The following NFASC variants were observed in gnomAD, a reference collection of about 807,000 sequenced individuals.
NFASC encodes the protein neurofascin, also known as neurofascin homolog.
In NFASC, 43 loss-of-function variants were observed where a neutral mutation model predicts 147.5. The ratio of observed to expected loss-of-function variants is 0.29; its 90% CI spans 0.23 to 0.38. NFASC has a LOEUF of 0.38. Among genes scored for constraint, NFASC ranks in the 10% least tolerant of loss-of-function variants. The probability of loss-of-function intolerance (pLI) is 1.00; values close to 1 mark genes in which losing one functional copy is unlikely to be tolerated. For synonymous variants in NFASC, 622 were observed against 665.5 expected (o/e 0.93, Z 1.01); for missense variants, 1,320 against 1,689.0 (o/e 0.78, Z 3.83).
intron 3 of NFASC, among the ~76,000 whole-genome samples, chr1:204,945,706 G>A (rs1475275183): frequency 2.0e-5 from 3 of 152,174 alleles, no homozygotes; most frequent in Admixed American, 1.3e-4. Flanking sequence ...GGGAGGGAGG[G>A]AGGAGAGGAG....
In NFASC at chr1:204,928,011, G is replaced by A. The variant is rs574880995; in HGVS notation, c.-91+7271G>A. 5.3e-5 allele frequency among the ~76,000 whole-genome samples: 8 copies of A among 152,288 alleles called. No individual in the cohort carries two copies. The East Asian group carries it at 7.7e-4, about 15-fold the overall frequency. On this transcript the variant is annotated intron_variant, in intron 2 of 29. Transcript: ENST00000339876. ...AATTCCTCCCCAGAGGGGGGAGTTC[G>A]CTTCTTGCTTTTCAGCAGGTGGAGG...
At chr1:204,951,207 A>G (rs951100796) in intron 4 of NFASC, among the ~76,000 whole-genome samples, 2 of 145,700 alleles carry the variant, frequency 1.4e-5, no homozygotes, top group Admixed American at 7.0e-5. Context: ...GGAGTACAGC[A>G]GCACAATCTG....
chr1:204,853,547 AG>A (rs1340930929), intron 1 of NFASC, among the ~76,000 whole-genome samples: 3 of 152,216 alleles, frequency 2.0e-5, no homozygotes, highest in African/African-American at 7.2e-5. Context: ...ACTGAAGCAT[AG>A]GGTTTATAAC....
At chr1:204,945,659 G>T (rs1337909443) in intron 3 of NFASC, among the ~76,000 whole-genome samples, 2 of 152,012 alleles carry the variant, frequency 1.3e-5, no homozygotes, top group African/African-American at 4.8e-5. Flanking sequence ...GTGTGCATAT[G>T]TATGCATGCC....
intron 4 of NFASC, among the ~76,000 whole-genome samples, chr1:204,951,187 C>T (rs1336800083): frequency 1.4e-5 from 2 of 142,676 alleles, no homozygotes; most frequent in Non-Finnish European, 3.0e-5. Flanking sequence ...CTCGCTCTAT[C>T]GCCCAGGCTG....
rs1317343322 is a variant in NFASC, at chr1:204,988,983, A to G, written c.2767+177A>G. ...TGTGAGAGGTAGGTGCTGGCATTGT[A>G]TCTGGAGCTCAGCTCTCCTTGGACC... On this transcript the variant is annotated intron_variant, in intron 23 of 29. Transcript: ENST00000339876. 4.7e-6 allele frequency: 3 copies of G among 634,274 alleles called. No individual in the cohort carries two copies. In the African/African-American group the frequency reaches 5.5e-5, roughly 12 times the overall value. The allele number at this position is 634,274 out of a possible 1,614,324, so 39.3% of individuals were successfully genotyped here. A position where few individuals can be genotyped will look rare whatever the true frequency, so the allele number is the denominator to read the frequency against.
At chr1:204,926,575 G>A (rs146286064) in intron 2 of NFASC, among the ~76,000 whole-genome samples, 105 of 149,566 alleles carry the variant, frequency 7.0e-4, no homozygotes, top group Middle Eastern at 3.5e-3. Context: ...CACCATGCCC[G>A]GCTAATTTTT....
At chr1:204,900,491 A>G (rs2084317872) in intron 1 of NFASC, among the ~76,000 whole-genome samples, 1 of 152,256 alleles carries the variant, frequency 6.6e-6, no homozygotes, top group Non-Finnish European at 1.5e-5. Flanking sequence ...ACCACCTTCT[A>G]TAGACTGAAC....
intron 1 of NFASC, among the ~76,000 whole-genome samples, chr1:204,859,984 C>T (rs1201273156): frequency 5.3e-5 from 8 of 152,154 alleles, no homozygotes. Flanking sequence ...CGTGGAGCAT[C>T]TGTGAGCATC....
chr1:204,866,309 G>A (rs192906794), intron 1 of NFASC, among the ~76,000 whole-genome samples: 3 of 152,160 alleles, frequency 2.0e-5, no homozygotes, highest in Non-Finnish European at 4.4e-5. Flanking sequence ...GATGATCAAG[G>A]GATGCTAAAG....
chr1:204,965,246 G>A (rs2094883606), intron 8 of NFASC, among the ~76,000 whole-genome samples: 1 of 152,168 alleles, frequency 6.6e-6, no homozygotes, highest in Non-Finnish European at 1.5e-5. Flanking sequence ...GATAAGATGA[G>A]ACAGTCATCT....
At position 204,975,489 on chromosome 1, in the gene NFASC, C is replaced by G. The variant is rs971414545; in HGVS notation, c.1706+71C>G. Reference sequence around the variant, plus strand: ...TTTTCTTTTCCCTTGCTGTTGGTGACACATGGAAGAACACAGGGACAGGGA... The same window carrying G: ...TTTTCTTTTCCCTTGCTGTTGGTGAGACATGGAAGAACACAGGGACAGGGA... On this transcript the variant is annotated intron_variant, in intron 15 of 29. Coordinates refer to ENST00000339876, the MANE Select transcript of NFASC (RefSeq NM_001005388.3). The surrounding 1 kb of genome is among the most constrained non-coding windows in gnomAD (Gnocchi z 4.0). 5.8e-6 allele frequency: 9 copies of G among 1,550,974 alleles called. No individual in the cohort carries two copies. The highest frequency in any genetic ancestry group is 1.7e-5 in the Admixed American group (1 of 57,502).
intron 25 of NFASC, chr1:204,999,963 T>A (rs67699525): frequency 0.14 from 20,839 of 152,246 alleles, 1,751 homozygotes; most frequent in Non-Finnish European, 0.19. Context: ...AAATCTTTGC[T>A]GGAAAATGGG....
Position 204,968,314 on chromosome 1 carries a change from G to T in NFASC, c.772G>T (p.Val258Leu). Residue 258 changes from valine to leucine, a missense_variant, in exon 9 of 30, where the codon GTG becomes TTG. Transcript: ENST00000339876. The surrounding 1 kb of genome is among the most constrained non-coding windows in gnomAD (Gnocchi z 5.4). ...CCAGGGCACCGCGAGCAGCCAGATG[G>T]TGCTTCGTGGCATGGACCTCCTGCT... Reference protein sequence around the residue: ...YPQGTASSQMVLRGMDLLLEC... With the variant: ...YPQGTASSQMLLRGMDLLLEC... 3.1e-6 allele frequency: 5 copies of T among 1,614,224 alleles called. No homozygotes were observed. The highest frequency in any genetic ancestry group is 4.2e-6 in the Non-Finnish European group (5 of 1,180,036).
At chr1:204,911,053 A>T (rs1465611297) in intron 1 of NFASC, among the ~76,000 whole-genome samples, 4 of 152,310 alleles carry the variant, frequency 2.6e-5, no homozygotes, top group Admixed American at 6.5e-5. Flanking sequence ...CCCATCAAGT[A>T]TAATGTTATC....
At chr1:204,936,358 C>T (rs1217373282) in intron 2 of NFASC, among the ~76,000 whole-genome samples, 5 of 151,800 alleles carry the variant, frequency 3.3e-5, no homozygotes, top group Admixed American at 6.6e-5. Flanking sequence ...TGCACCCCCA[C>T]GCCTGGCTAA....
chr1:204,841,689 A>G (rs1201411444), intron 1 of NFASC, among the ~76,000 whole-genome samples: 2 of 152,128 alleles, frequency 1.3e-5, no homozygotes, highest in African/African-American at 4.8e-5. Flanking sequence ...GTGGTATTAA[A>G]AGAAAATGGG....
At chr1:204,883,930 GCT>G (rs1330216912) in intron 1 of NFASC, among the ~76,000 whole-genome samples, 1 of 152,198 alleles carries the variant, frequency 6.6e-6, no homozygotes, top group Non-Finnish European at 1.5e-5. Context: ...CTAGCGTGGT[GCT>G]CCCTCTGCCA....
chr1:204,980,307 G>C, intron 19 of NFASC, 63 bp from the exon 20 acceptor site: 1 of 1,327,370 alleles, frequency 7.5e-7, no homozygotes, highest in Non-Finnish European at 1.1e-6. Context: ...ACAGAGGAAG[G>C]TTCCTTACCT....
Sources: allele counts gnomAD v4.1 joint callset (sites outside exome capture counted in the v4.1 genomes callset), GRCh38; gene constraint gnomAD v4.1.1; non-coding constraint Gnocchi (gnomAD v3.1); transcripts MANE v1.5; gene names NCBI Gene and HGNC (gene_info 2026-07-23, HGNC 2026-07-21).